Variants in PPARGC1A observed in about 807,000 individuals in gnomAD.
PPARGC1A encodes peroxisome proliferator-activated receptor gamma coactivator 1-alpha.
PPARGC1A carries 25 observed loss-of-function variants against 88.7 expected under a neutral mutation model. The ratio of observed to expected loss-of-function variants is 0.28; its 90% CI spans 0.21 to 0.39. The LOEUF is 0.39. Among genes scored for constraint, PPARGC1A ranks in the 10% least tolerant of loss-of-function variants. The pLI is 1.00. For missense variants in PPARGC1A, 880 were observed against 968.7 expected, an observed-to-expected ratio of 0.91 and a Z score of 1.22; for synonymous variants, 363 against 355.6, an observed-to-expected ratio of 1.02 and a Z score of -0.24.
chr4:23,927,855 A>G, the PPARGC1A span, among the ~76,000 whole-genome samples: 1 of 152,094 alleles, frequency 6.6e-6, no homozygotes, highest in Non-Finnish European at 1.5e-5. Context: ...TTGTATTATG[A>G]CTCAAAAATC....
the PPARGC1A span, among the ~76,000 whole-genome samples, chr4:24,411,350 T>C: frequency 6.6e-6 from 1 of 152,192 alleles, no homozygotes; most frequent in African/African-American, 2.4e-5. Flanking sequence ...ACATTATTTT[T>C]CAATAGGTTT....
the PPARGC1A span, among the ~76,000 whole-genome samples, chr4:24,434,076 A>G: frequency 6.6e-6 from 1 of 152,176 alleles, no homozygotes; most frequent in Admixed American, 6.5e-5. Context: ...GATCCTTTGC[A>G]GGGTACTGAT....
At chr4:24,162,712 CT>C in the PPARGC1A span, among the ~76,000 whole-genome samples, 4 of 151,796 alleles carry the variant, frequency 2.6e-5, no homozygotes, top group African/African-American at 9.7e-5. Context: ...CTTCTTCTGC[CT>C]CCCAAGTAGC....
the PPARGC1A span, among the ~76,000 whole-genome samples, chr4:24,132,765 T>TC: frequency 1.3e-5 from 2 of 152,222 alleles, no homozygotes; most frequent in Admixed American, 1.3e-4. Context: ...ATTTTTTTTT[T>TC]CAGACAAACA....
At chr4:24,469,714 G>A in the PPARGC1A span, among the ~76,000 whole-genome samples, 1 of 152,152 alleles carries the variant, frequency 6.6e-6, no homozygotes, top group Admixed American at 6.5e-5. Context: ...GAAGAAAGAT[G>A]TTGCCTCTTG....
At chr4:23,849,763 G>T (rs1002742168) in intron 2 of PPARGC1A, among the ~76,000 whole-genome samples, 1 of 151,702 alleles carries the variant, frequency 6.6e-6, no homozygotes, top group Non-Finnish European at 1.5e-5. Flanking sequence ...GTTTCATTTG[G>T]CTTTACTCAT....
the PPARGC1A span, among the ~76,000 whole-genome samples, chr4:24,209,537 T>C: frequency 6.6e-6 from 1 of 152,332 alleles, no homozygotes; most frequent in East Asian, 1.9e-4. Context: ...AAGAATTATC[T>C]GGTCCAAAAT....
At chr4:24,054,308 TAAAA>T in the PPARGC1A span, among the ~76,000 whole-genome samples, 2 of 134,904 alleles carry the variant, frequency 1.5e-5, no homozygotes, top group Non-Finnish European at 1.6e-5. Flanking sequence ...ATCCTTCTTG[TAAAA>T]AAAAAAAAAA....
chr4:24,045,605 C>T, the PPARGC1A span, among the ~76,000 whole-genome samples: 1 of 152,188 alleles, frequency 6.6e-6, no homozygotes, highest in South Asian at 2.1e-4. Flanking sequence ...CTGCCTCTGT[C>T]TTCACATGGA....
the PPARGC1A span, among the ~76,000 whole-genome samples, chr4:24,466,965 A>AGGGAGGGAGGGAGG: frequency 9.6e-6 from 1 of 104,120 alleles, no homozygotes; most frequent in Non-Finnish European, 2.0e-5. Context: ...AGAAAGAAAG[A>AGGGAGGGAGGGAGG]AAGAAAGAGA....
At chr4:23,934,909 G>A in the PPARGC1A span, among the ~76,000 whole-genome samples, 6 of 152,292 alleles carry the variant, frequency 3.9e-5, no homozygotes, top group South Asian at 6.2e-4. Flanking sequence ...TTGGAACCAA[G>A]GTGGAATATC....
rs188935161 is a variant in PPARGC1A at position 23,808,396 on chromosome 4, G to A, written c.2019+4351C>T. Among the ~76,000 whole-genome samples the A allele has an allele frequency of 5.6e-4, 85 of 152,126 alleles. 1 individual carries two copies. Among genetic ancestry groups the A allele is most frequent in the African/African-American group, 2.0e-3 (82 of 41,514 alleles). On this transcript the variant is annotated intron_variant, in intron 10 of 12. Transcript: ENST00000264867. ...GAGAAGTGAAGCAGCAGTCATTGCCGCCTGAGCACATCTAGTTTTGGTTTT... is the reference window on the plus strand; with the variant it reads ...GAGAAGTGAAGCAGCAGTCATTGCCACCTGAGCACATCTAGTTTTGGTTTT...
At chr4:23,930,148 A>C in the PPARGC1A span, among the ~76,000 whole-genome samples, 1 of 152,164 alleles carries the variant, frequency 6.6e-6, no homozygotes, top group East Asian at 1.9e-4. Flanking sequence ...TTAAGTCCCC[A>C]AATCAGGTTT....
At chr4:24,063,000 T>C in the PPARGC1A span, among the ~76,000 whole-genome samples, 1 of 152,338 alleles carries the variant, frequency 6.6e-6, no homozygotes, top group East Asian at 1.9e-4. Context: ...CGATGGTTCA[T>C]CTTCTCTAAA....
At position 23,795,755 on chromosome 4, in the gene PPARGC1A, T is replaced by C; in HGVS notation, c.*67A>G. 1 of 1,272,026 alleles carries C rather than the reference T, an allele frequency of 7.9e-7. No individual in the cohort carries two copies. The highest frequency in any genetic ancestry group is 1.1e-6 in the Non-Finnish European group (1 of 907,422). The allele number at this position is 1,272,026 out of a possible 1,614,324, so 78.8% of individuals were successfully genotyped here. On this transcript the variant is annotated 3_prime_UTR_variant, in exon 13 of 13. Transcript: ENST00000264867. The stretch of plus-strand genomic sequence containing the variant: ...TCCTAAGTATGACTTGCAATAGTCT[T>C]TAGGGAAGGACGCGCTGTCCCATGA...
the PPARGC1A span, among the ~76,000 whole-genome samples, chr4:24,109,991 C>A: frequency 6.6e-6 from 1 of 152,120 alleles, no homozygotes; most frequent in Non-Finnish European, 1.5e-5. Flanking sequence ...GAGGAGGAAC[C>A]CCCAGCAGCC....
the PPARGC1A span, among the ~76,000 whole-genome samples, chr4:24,460,847 T>C: frequency 6.6e-6 from 1 of 152,234 alleles, no homozygotes; most frequent in Non-Finnish European, 1.5e-5. Flanking sequence ...TGGTAATTTA[T>C]TGAAGTATAA....
chr4:23,838,788 C>A (rs1726505297), intron 2 of PPARGC1A, among the ~76,000 whole-genome samples: 1 of 152,146 alleles, frequency 6.6e-6, no homozygotes, highest in South Asian at 2.1e-4. Flanking sequence ...GTAAATATGT[C>A]TGTCCATATC....
Position 23,886,774 on chromosome 4 carries a change from C to T in PPARGC1A, c.55-1843G>A, listed in dbSNP as rs1021623570. Among the ~76,000 whole-genome samples the T allele has an allele frequency of 2.4e-4, 36 of 151,402 alleles. 1 individual carries two copies. Among genetic ancestry groups the T allele is most frequent in the African/African-American group, 4.9e-5 (2 of 41,172 alleles). On this transcript the variant is annotated intron_variant, in intron 1 of 12. Coordinates refer to ENST00000264867, the MANE Select transcript of PPARGC1A (RefSeq NM_013261.5). ...GCCCAAACACACTATCTTAACTTTT[C>T]CTCAATGTCACCAATTCAGAGATGG...
Sources: gnomAD v4.1 joint callset for allele counts (sites outside exome capture counted in the v4.1 genomes callset) on GRCh38, gnomAD v4.1.1 for gene constraint, MANE v1.5 for transcripts, NCBI Gene and HGNC (gene_info 2026-07-23, HGNC 2026-07-21) for gene names.